CRYBG1: variants seen among roughly 807,000 people sequenced by gnomAD.
The protein encoded by CRYBG1 is beta/gamma crystallin domain-containing protein 1.
CRYBG1 carries 139 observed loss-of-function variants against 189.2 expected under a neutral mutation model. That is an observed-to-expected ratio of 0.73 (90% CI 0.64 to 0.85). The LOEUF (loss-of-function observed/expected upper bound fraction) is 0.85, where lower values mean the gene tolerates loss of function less well. CRYBG1 is among the 40% of genes least tolerant of loss of function. The pLI is 0.00. For missense variants in CRYBG1, 2,611 were observed against 2,675.8 expected (o/e 0.98, Z 0.53); for synonymous variants, 1,023 against 1,017.1 (o/e 1.01, Z -0.11).
chr6:106,553,658 T>C (rs752556461), intron 16 of CRYBG1, 91 bp downstream of exon 16: 1 of 879,858 alleles, frequency 1.1e-6, no homozygotes, highest in Non-Finnish European at 1.9e-6. Context: ...TGTTAGGTGC[T>C]TGGCACTATG....
At chr6:106,498,686 C>T (rs1041592178) in intron 2 of CRYBG1, among the ~76,000 whole-genome samples, 9 of 151,974 alleles carry the variant, frequency 5.9e-5, no homozygotes, top group Admixed American at 5.9e-4. Flanking sequence ...ACCAGCCTGG[C>T]CAACATGGTG....
intron 2 of CRYBG1, among the ~76,000 whole-genome samples, chr6:106,461,892 G>T (rs1326917425): frequency 6.6e-6 from 1 of 152,160 alleles, no homozygotes; most frequent in African/African-American, 2.4e-5. Context: ...CTGACTCCTG[G>T]AATCGACATG....
At chr6:106,432,147 G>A (rs971011595) in intron 1 of CRYBG1, among the ~76,000 whole-genome samples, 20 of 152,072 alleles carry the variant, frequency 1.3e-4, no homozygotes, top group African/African-American at 2.7e-4. Flanking sequence ...TTCAAATAAC[G>A]ACTCTTAATT....
At chr6:106,433,607 T>A (rs1393658705) in intron 1 of CRYBG1, among the ~76,000 whole-genome samples, 1 of 151,454 alleles carries the variant, frequency 6.6e-6, no homozygotes, top group Non-Finnish European at 1.5e-5. Flanking sequence ...TGGTTTGAAG[T>A]TCATGATATT....
chr6:106,511,669 C>A lies in CRYBG1; in HGVS notation c.552C>A (p.Gly184=). ...QLKQTDTSEE[G]SPRENPREAE... ...AGCAAACGGACACAAGCGAGGAGGG[C>A]TCCCCGCGGGAGAATCCCCGAGAGG... The change falls in exon 3 of 22, where the codon GGC becomes GGA. Residue 184 remains glycine (G), a synonymous_variant. Coordinates refer to ENST00000633556, the MANE Select transcript of CRYBG1 (RefSeq NM_001371242.2). 1 of 1,535,662 alleles carries A rather than the reference C, an allele frequency of 6.5e-7. No individual in the cohort carries two copies. Among genetic ancestry groups the A allele is most frequent in the South Asian group, 1.2e-5 (1 of 84,046 alleles).
chr6:106,560,288 G>A (rs748419729), intron 18 of CRYBG1, among the ~76,000 whole-genome samples: 7 of 152,156 alleles, frequency 4.6e-5, no homozygotes, highest in Admixed American at 2.6e-4. Flanking sequence ...CTGCTTCCAC[G>A]CCAGTCTGCG....
intron 2 of CRYBG1, among the ~76,000 whole-genome samples, chr6:106,491,715 C>G (rs1772726466): frequency 6.6e-6 from 1 of 152,152 alleles, no homozygotes; most frequent in Admixed American, 6.5e-5. Context: ...ACTGCTGACT[C>G]TAGGTCCTCA....
chr6:106,428,608 T>C (rs1157674474), intron 1 of CRYBG1, among the ~76,000 whole-genome samples: 1 of 152,226 alleles, frequency 6.6e-6, no homozygotes, highest in Admixed American at 6.5e-5. Context: ...ATCCTTATTC[T>C]ACAGGTGAAG....
At chr6:106,400,026 C>G (rs955069520) in intron 1 of CRYBG1, among the ~76,000 whole-genome samples, 6 of 151,046 alleles carry the variant, frequency 4.0e-5, no homozygotes, top group Non-Finnish European at 8.8e-5. Context: ...AGCCCAGCTA[C>G]TCGGGAGGCT....
chr6:106,550,629 ATGTTGGAAACAC>A (rs1419993441), intron 13 of CRYBG1, among the ~76,000 whole-genome samples: 11 of 152,204 alleles, frequency 7.2e-5, no homozygotes, highest in Non-Finnish European at 2.9e-5. Flanking sequence ...TATTTATGTG[ATGTTGGAAACAC>A]TGTTGGAAAC....
chr6:106,526,242 A>C (rs1474894845), intron 6 of CRYBG1, among the ~76,000 whole-genome samples: 1 of 152,150 alleles, frequency 6.6e-6, no homozygotes, highest in Non-Finnish European at 1.5e-5. Flanking sequence ...TTAGATTTTT[A>C]GGTGTTTTAA....
At chr6:106,554,710 G>C (rs1184806808) in intron 16 of CRYBG1, among the ~76,000 whole-genome samples, 1 of 152,158 alleles carries the variant, frequency 6.6e-6, no homozygotes, top group African/African-American at 2.4e-5. Flanking sequence ...TCCCCTGCCT[G>C]CTTCATTTAT....
chr6:106,378,836 A>G (rs1181633830), intron 1 of CRYBG1, among the ~76,000 whole-genome samples: 1 of 151,944 alleles, frequency 6.6e-6, no homozygotes, highest in South Asian at 2.1e-4. Context: ...CCCTTTTTTT[A>G]AAACTTAAAA....
At chr6:106,513,762 C>T (rs1773354219) in intron 3 of CRYBG1, among the ~76,000 whole-genome samples, 1 of 152,176 alleles carries the variant, frequency 6.6e-6, no homozygotes, top group Non-Finnish European at 1.5e-5. Flanking sequence ...GAACTTAGTG[C>T]ATTATTGGCC....
intron 3 of CRYBG1, among the ~76,000 whole-genome samples, chr6:106,516,516 G>A (rs556589811): frequency 2.0e-5 from 3 of 152,178 alleles, no homozygotes; most frequent in Non-Finnish European, 2.9e-5. Context: ...TTACAAGCAT[G>A]AGCCACCACA....
rs1562120758 is a variant in CRYBG1, at chr6:106,561,486, TG to T, written c.6125del (p.Cys2042LeufsTer6). The T allele has an allele frequency of 5.6e-6, 9 of 1,612,642 alleles. No individual in the cohort carries two copies. The highest frequency in any genetic ancestry group is 7.6e-6 in the Non-Finnish European group (9 of 1,179,038). ...TCAGATTTGGATCTATCAAGAAGGA[TG>T]TATCAAATGCAGGGTGAGCTTTAGG... ...DDQIWIYQEG[C>X]IKCRIAEDCC... On this transcript the variant is annotated frameshift_variant, in exon 20 of 22. Transcript: ENST00000633556. LOFTEE classifies it high-confidence loss of function.
At chr6:106,547,853 A>G (rs1774301483) in intron 13 of CRYBG1, among the ~76,000 whole-genome samples, 1 of 152,140 alleles carries the variant, frequency 6.6e-6, no homozygotes, top group Admixed American at 6.5e-5. Context: ...TTTGATTCTT[A>G]CTGGAAATGT....
chr6:106,403,227 C>T (rs967006937), intron 1 of CRYBG1, among the ~76,000 whole-genome samples: 1 of 152,186 alleles, frequency 6.6e-6, no homozygotes, highest in Non-Finnish European at 1.5e-5. Flanking sequence ...GTCCCAGCTA[C>T]TCAGGAGGCT....
At chr6:106,441,027 G>A (rs757607843) in intron 1 of CRYBG1, among the ~76,000 whole-genome samples, 1 of 152,164 alleles carries the variant, frequency 6.6e-6, no homozygotes, top group African/African-American at 2.4e-5. Context: ...TATGAAACAG[G>A]ATTTATTACA....
Sources: allele counts gnomAD v4.1 joint callset (sites outside exome capture counted in the v4.1 genomes callset), GRCh38; gene constraint gnomAD v4.1.1; transcripts MANE v1.5; gene names NCBI Gene and HGNC (gene_info 2026-07-23, HGNC 2026-07-21).